The following IL1RAPL1 variants were observed in gnomAD, a reference collection of about 807,000 sequenced individuals.
The protein encoded by IL1RAPL1 is interleukin-1 receptor accessory protein-like 1.
A neutral mutation model predicts 48.4 loss-of-function variants in IL1RAPL1; 3 were observed. The observed-to-expected ratio is 0.06, with a 90% CI of 0.03 to 0.16. The LOEUF is 0.16. Ranked by LOEUF, IL1RAPL1 falls within the 10% of genes least tolerant of loss-of-function variation. The probability of loss-of-function intolerance (pLI) is 1.00; values close to 1 mark genes in which losing one functional copy is unlikely to be tolerated. For synonymous variants in IL1RAPL1, 185 were observed against 187.7 expected, an observed-to-expected ratio of 0.99 and a Z score of 0.12; for missense variants, 349 against 530.6, an observed-to-expected ratio of 0.66 and a Z score of 3.36.
chrX:29,264,521 G>T (rs1035880983), intron 2 of IL1RAPL1, among the ~76,000 whole-genome samples: 1 of 110,946 alleles, frequency 9.0e-6, no homozygotes, highest in Non-Finnish European at 1.9e-5. Flanking sequence ...GACAAGAAAA[G>T]ATTCAAAGTT....
rs1922496284 is a variant in IL1RAPL1, at chrX:28,881,294, T to G, written c.82+91869T>G. Among the ~76,000 whole-genome samples the G allele has an allele frequency of 2.7e-5, 3 of 112,690 alleles. No homozygotes were observed. In the Admixed American group the frequency reaches 2.8e-4, roughly 11 times the overall value. On this transcript the variant is annotated intron_variant, in intron 2 of 10. Coordinates refer to ENST00000378993, the MANE Select transcript of IL1RAPL1 (RefSeq NM_014271.4). ...AGGAAATGTTGGGAATTTGGTTTTA[T>G]GGTCTGACCATTTGGTGAAGTTATT...
chrX:29,212,955 C>T (rs192699950), intron 2 of IL1RAPL1, among the ~76,000 whole-genome samples: 3 of 111,823 alleles, frequency 2.7e-5, no homozygotes, highest in Admixed American at 9.5e-5. Flanking sequence ...CAGTTCAAAC[C>T]TGTGTTGTCC....
At chrX:28,859,341 C>T (rs937810438) in intron 2 of IL1RAPL1, among the ~76,000 whole-genome samples, 1 of 112,062 alleles carries the variant, frequency 8.9e-6, no homozygotes, top group Non-Finnish European at 1.9e-5. Flanking sequence ...TCACTGCAGC[C>T]TCCGCCTCCT....
intron 2 of IL1RAPL1, among the ~76,000 whole-genome samples, chrX:28,794,046 A>G (rs1050474135): frequency 9.0e-6 from 1 of 111,481 alleles, no homozygotes; most frequent in African/African-American, 3.3e-5. Flanking sequence ...GACCAAAACG[A>G]TATTAGAAAG....
chrX:29,415,581 G>A (rs1033521787), intron 5 of IL1RAPL1, among the ~76,000 whole-genome samples: 10 of 110,351 alleles, frequency 9.1e-5, no homozygotes, highest in Admixed American at 4.8e-4. Context: ...CACCACGCCC[G>A]GCTAATTTTT....
chrX:28,779,657 T>C (rs1936399668), intron 1 of IL1RAPL1, among the ~76,000 whole-genome samples: 1 of 87,438 alleles, frequency 1.1e-5, no homozygotes, highest in Admixed American at 1.3e-4. Context: ...TATATATATA[T>C]ATATATATAT....
chrX:28,892,216 G>A (rs750074421), intron 2 of IL1RAPL1, among the ~76,000 whole-genome samples: 2 of 109,793 alleles, frequency 1.8e-5, no homozygotes, highest in Admixed American at 9.8e-5. Context: ...TCCTAAAAGA[G>A]AGTCAGCGAA....
At chrX:28,827,705 G>A (rs1290272984) in intron 2 of IL1RAPL1, among the ~76,000 whole-genome samples, 1 of 111,682 alleles carries the variant, frequency 9.0e-6, no homozygotes, top group Non-Finnish European at 1.9e-5. Context: ...GATAAAGTTA[G>A]AGAAGTAATT....
chrX:29,803,382 C>CACATATGTATATGTGTAT (rs1930140605), intron 6 of IL1RAPL1, among the ~76,000 whole-genome samples: 1 of 76,986 alleles, frequency 1.3e-5, no homozygotes, highest in African/African-American at 5.2e-5. Flanking sequence ...TATATGTATA[C>CACATATGTATATGTGTAT]ATGTATACAC....
chrX:29,289,895 T>C (rs1389156624), intron 3 of IL1RAPL1, among the ~76,000 whole-genome samples: 1 of 112,613 alleles, frequency 8.9e-6, no homozygotes, highest in Non-Finnish European at 1.9e-5. Flanking sequence ...GATTGATTTT[T>C]GTGTTAACAT....
intron 1 of IL1RAPL1, among the ~76,000 whole-genome samples, chrX:28,643,646 T>G (rs2146899972): frequency 9.0e-6 from 1 of 111,472 alleles, no homozygotes; most frequent in South Asian, 3.8e-4. Flanking sequence ...AAAAAAAAAC[T>G]TAATTAAAAG....
At chrX:28,985,820 C>T (rs1375177373) in intron 2 of IL1RAPL1, among the ~76,000 whole-genome samples, 2 of 109,923 alleles carry the variant, frequency 1.8e-5, no homozygotes, top group African/African-American at 3.3e-5. Context: ...CCACCTCGCC[C>T]GGCTAATTTT....
intron 2 of IL1RAPL1, among the ~76,000 whole-genome samples, chrX:28,957,883 C>T (rs1415311796): frequency 2.7e-5 from 3 of 109,940 alleles, no homozygotes; most frequent in Non-Finnish European, 5.7e-5. Flanking sequence ...CGCTTGAACC[C>T]GGGAAGTGGA....
chrX:29,570,536 T>G (rs1176895312), intron 5 of IL1RAPL1, among the ~76,000 whole-genome samples: 2 of 112,339 alleles, frequency 1.8e-5, no homozygotes, highest in Non-Finnish European at 3.8e-5. Flanking sequence ...AAAATACCTT[T>G]TATTGTAGCC....
At chrX:29,829,155 T>TACACACACACAC (rs57560936) in intron 6 of IL1RAPL1, among the ~76,000 whole-genome samples, 18 of 61,882 alleles carry the variant, frequency 2.9e-4, no homozygotes, top group African/African-American at 1.1e-3. Context: ...GACAAAAACC[T>TACACACACACAC]ACACACACAC....
At chrX:29,407,796 T>C (rs1185263158) in intron 5 of IL1RAPL1, among the ~76,000 whole-genome samples, 1 of 112,139 alleles carries the variant, frequency 8.9e-6, no homozygotes, top group African/African-American at 3.2e-5. Context: ...AAGTTGGAGG[T>C]GCCAAAATAA....
At chrX:29,063,332 C>T (rs915657259) in intron 2 of IL1RAPL1, among the ~76,000 whole-genome samples, 10 of 111,278 alleles carry the variant, frequency 9.0e-5, no homozygotes, top group Admixed American at 1.9e-4. Context: ...ATTTTACCAA[C>T]CTTTGTACCT....
chrX:29,462,182 A>G (rs1049839667), intron 5 of IL1RAPL1, among the ~76,000 whole-genome samples: 3 of 111,531 alleles, frequency 2.7e-5, no homozygotes, highest in Non-Finnish European at 5.6e-5. Context: ...CATATGTGAA[A>G]TTGTATGGTT....
chrX:28,600,956 T>C (rs1934017713), intron 1 of IL1RAPL1, among the ~76,000 whole-genome samples: 1 of 111,944 alleles, frequency 8.9e-6, no homozygotes, highest in African/African-American at 3.2e-5. Context: ...AGTGAGGTAA[T>C]AGGAGCACCT....
Sources: gnomAD v4.1 joint callset for allele counts (sites outside exome capture counted in the v4.1 genomes callset) on GRCh38, gnomAD v4.1.1 for gene constraint, MANE v1.5 for transcripts, NCBI Gene and HGNC (gene_info 2026-07-23, HGNC 2026-07-21) for gene names.